The following TARBP1 variants were observed in gnomAD, a reference collection of about 807,000 sequenced individuals.
TARBP1 encodes the protein tRNA guanosine 2 -O-methyltransferase TARBP1.
Under a neutral mutation model 178.6 loss-of-function variants are expected in TARBP1, and 144 were observed. The ratio of observed to expected loss-of-function variants is 0.81; its 90% confidence interval spans 0.70 to 0.93. TARBP1 has a LOEUF of 0.93. Ranked by LOEUF, TARBP1 falls within the 40% of genes least tolerant of loss-of-function variation. The pLI is 0.00. For missense variants in TARBP1, 2,067 were observed against 2,011.7 expected, an observed-to-expected ratio of 1.03 and a Z score of -0.53; for synonymous variants, 787 against 781.0, an observed-to-expected ratio of 1.01 and a Z score of -0.13.
In TARBP1 at chr1:234,429,329, T is replaced by C. The variant is rs1395681062; in HGVS notation, c.2872-5A>G. On this transcript the variant is annotated splice_region_variant and splice_polypyrimidine_tract_variant and intron_variant, in intron 16 of 29. Transcript: ENST00000040877. ...TGATTCAGAGGAAGTCAGAAGCTGGTAGGAAAAAAAAAAATACATACTTAT... is the reference window on the plus strand; with the variant it reads ...TGATTCAGAGGAAGTCAGAAGCTGGCAGGAAAAAAAAAAATACATACTTAT... 5.8e-6 allele frequency: 9 copies of C among 1,560,870 alleles called. No homozygotes were observed. The highest frequency in any genetic ancestry group is 5.2e-6 in the Non-Finnish European group (6 of 1,161,962).
intron 13 of TARBP1, among the ~76,000 whole-genome samples, chr1:234,436,516 C>T (rs1474390347): frequency 1.3e-5 from 2 of 151,914 alleles, no homozygotes; most frequent in East Asian, 1.9e-4. Flanking sequence ...CCTTGCCTTT[C>T]TATAATAAAA....
chr1:234,428,491 C>T (rs1172389576), intron 17 of TARBP1, among the ~76,000 whole-genome samples: 12 of 152,122 alleles, frequency 7.9e-5, no homozygotes. Flanking sequence ...GGAAGAATGA[C>T]CAGTGTTGCT....
chr1:234,423,748 ATTT>A (rs1228790622), intron 20 of TARBP1, among the ~76,000 whole-genome samples: 3 of 130,976 alleles, frequency 2.3e-5, no homozygotes, highest in Admixed American at 7.9e-5. Context: ...TTTTTTCTGA[ATTT>A]TTTTTTTTTT....
At position 234,465,109 on chromosome 1, in the gene TARBP1, A is replaced by G. The variant is rs1340812348; in HGVS notation, c.1301+547T>C. On this transcript the variant is annotated intron_variant, in intron 5 of 29. Coordinates refer to ENST00000040877, the MANE Select transcript of TARBP1 (RefSeq NM_005646.4). The stretch of plus-strand genomic sequence containing the variant: ...ATGGATGGATGGATGGATGGCGGAC[A>G]GACAGGCACTCAAACAGATATAAAT... 1.1e-3 allele frequency among the ~76,000 whole-genome samples: 155 copies of G among 144,274 alleles called. No homozygotes were observed. In the Middle Eastern group the frequency reaches 0.021, roughly 20 times the overall value. 94.6% of individuals were successfully genotyped at this position (144,274 alleles called of 152,430 possible).
At chr1:234,468,932 CAT>C (rs1404280720) in intron 3 of TARBP1, among the ~76,000 whole-genome samples, 2 of 151,812 alleles carry the variant, frequency 1.3e-5, no homozygotes, top group African/African-American at 2.4e-5. Context: ...CTGTTCCCCT[CAT>C]ATATCTTACA....
chr1:234,441,436 C>A (rs551691837), intron 12 of TARBP1, among the ~76,000 whole-genome samples: 1 of 152,202 alleles, frequency 6.6e-6, no homozygotes, highest in African/African-American at 2.4e-5. Context: ...CTACAGTAAC[C>A]AAAACCTTGT....
At chr1:234,445,161 T>C (rs1301886999) in intron 12 of TARBP1, among the ~76,000 whole-genome samples, 1 of 152,128 alleles carries the variant, frequency 6.6e-6, no homozygotes, top group Non-Finnish European at 1.5e-5. Flanking sequence ...GCCTCTGGTG[T>C]GGGATCCCAC....
intron 6 of TARBP1, among the ~76,000 whole-genome samples, chr1:234,460,946 G>GT (rs2103262518): frequency 6.6e-6 from 1 of 152,286 alleles, no homozygotes; most frequent in Non-Finnish European, 1.5e-5. Context: ...AAAAAGCCAC[G>GT]TATTGTATGA....
chr1:234,394,898 T>C (rs1659763468), intron 26 of TARBP1, among the ~76,000 whole-genome samples: 2 of 152,056 alleles, frequency 1.3e-5, no homozygotes, highest in Admixed American at 1.3e-4. Flanking sequence ...GAGACCAGCC[T>C]GGCCAACATG....
rs1004718637 is a variant in TARBP1 at position 234,416,638 on chromosome 1, C to T, written c.3705+1446G>A. Among the ~76,000 whole-genome samples the T allele has an allele frequency of 1.2e-4, 19 of 152,136 alleles. 1 individual carries two copies. The highest frequency in any genetic ancestry group is 3.1e-4 in the African/African-American group (13 of 41,432). On this transcript the variant is annotated intron_variant, in intron 22 of 29. Transcript: ENST00000040877. ...TTAGTGGTGTGACGACTCACTTAAT[C>T]GTTGTTTTCTTCATAAGGGTAAAAA... is the stretch of plus-strand genomic sequence containing the variant.
intron 24 of TARBP1, among the ~76,000 whole-genome samples, chr1:234,402,586 T>TG (rs1005895516): frequency 8.5e-4 from 130 of 152,170 alleles, no homozygotes; most frequent in African/African-American, 2.9e-3. Context: ...TTTGTTTGTT[T>TG]TTTTTTTGAG....
rs57636903 is a variant in TARBP1, at chr1:234,451,766, A to AAAAAAAAAACAAAAAAAC, written c.1723-1201_1723-1200insGTTTTTTTGTTTTTTTTT. Among the ~76,000 whole-genome samples, 14 of 17,176 alleles carry AAAAAAAAAACAAAAAAAC rather than the reference A, an allele frequency of 8.2e-4. 5 individuals carry two copies. The highest frequency in any genetic ancestry group is 8.1e-3 in the East Asian group (1 of 124). The allele number at this position is 17,176 out of a possible 152,430, so 11.3% of individuals were successfully genotyped here. On this transcript the variant is annotated intron_variant, in intron 9 of 29. Coordinates refer to ENST00000040877, the MANE Select transcript of TARBP1 (RefSeq NM_005646.4). ...TCCGTCTCAAAAAAAAAAAAAAAAA[A>AAAAAAAAAACAAAAAAAC]TGATGAATGACTGGATCATCGAAGT...
chr1:234,404,125 C>T (rs1038453313), intron 24 of TARBP1, among the ~76,000 whole-genome samples: 3 of 152,102 alleles, frequency 2.0e-5, no homozygotes, highest in African/African-American at 7.2e-5. Context: ...ACACAGCTAC[C>T]AACAAATTTA....
At chr1:234,458,185 A>G (rs1361121968) in intron 8 of TARBP1, among the ~76,000 whole-genome samples, 1 of 152,130 alleles carries the variant, frequency 6.6e-6, no homozygotes, top group African/African-American at 2.4e-5. Context: ...CTCTACTAAA[A>G]ATACAAAAAT....
intron 1 of TARBP1, among the ~76,000 whole-genome samples, chr1:234,477,499 T>A (rs191316649): frequency 5.9e-5 from 9 of 152,354 alleles, no homozygotes; most frequent in Admixed American, 3.9e-4. Flanking sequence ...AAATTTAACA[T>A]GAGTGAAGTC....
At chr1:234,474,231 G>T (rs1311070549) in intron 1 of TARBP1, among the ~76,000 whole-genome samples, 8 of 142,690 alleles carry the variant, frequency 5.6e-5, no homozygotes, top group Non-Finnish European at 1.0e-4. Flanking sequence ...GCAAGAGCGA[G>T]GATTTGTCTC....
chr1:234,417,029 T>A (rs1289917099), intron 22 of TARBP1, among the ~76,000 whole-genome samples: 2 of 152,062 alleles, frequency 1.3e-5, no homozygotes, highest in African/African-American at 4.8e-5. Context: ...GGAAGGGAAT[T>A]ATGAAGTTGA....
intron 25 of TARBP1, among the ~76,000 whole-genome samples, chr1:234,399,491 A>T (rs1235657756): frequency 6.6e-6 from 1 of 152,190 alleles, no homozygotes; most frequent in Non-Finnish European, 1.5e-5. Flanking sequence ...TTCCTCAGGG[A>T]TCTAGAACTA....
At chr1:234,400,043 A>AAAAAC (rs1660522945) in intron 25 of TARBP1, among the ~76,000 whole-genome samples, 1 of 149,410 alleles carries the variant, frequency 6.7e-6, no homozygotes, top group Admixed American at 6.6e-5. Context: ...TAATAATAAT[A>AAAAAC]AAATAAAAAC....
Sources: gnomAD v4.1 joint callset for allele counts (sites outside exome capture counted in the v4.1 genomes callset) on GRCh38, gnomAD v4.1.1 for gene constraint, MANE v1.5 for transcripts, NCBI Gene and HGNC (gene_info 2026-07-23, HGNC 2026-07-21) for gene names.